The following NCS1 variants were observed in gnomAD, a reference collection of about 807,000 sequenced individuals.
NCS1 encodes the protein frequenin homolog.
NCS1 carries 6 observed loss-of-function variants against 28.4 expected under a neutral mutation model. The observed-to-expected ratio is 0.21, with a 90% CI of 0.12 to 0.42. The LOEUF (loss-of-function observed/expected upper bound fraction) is 0.42, where lower values mean the gene tolerates loss of function less well. NCS1 is among the 10% of genes least tolerant of loss of function. NCS1 has a pLI of 1.00. For missense variants in NCS1, 131 were observed against 241.4 expected, an observed-to-expected ratio of 0.54 and a Z score of 3.03; for synonymous variants, 86 against 99.3, an observed-to-expected ratio of 0.87 and a Z score of 0.79.
At chr9:130,206,937 C>G (rs1171695651) in intron 2 of NCS1, among the ~76,000 whole-genome samples, 1 of 152,186 alleles carries the variant, frequency 6.6e-6, no homozygotes, top group African/African-American at 2.4e-5. Flanking sequence ...AGCGCCAGGT[C>G]AGCTTCAGCC....
At chr9:130,212,728 G>T (rs1356318679) in intron 2 of NCS1, among the ~76,000 whole-genome samples, 1 of 151,908 alleles carries the variant, frequency 6.6e-6, no homozygotes, top group East Asian at 1.9e-4. Flanking sequence ...GTGGGGGATG[G>T]AGTCACGTCT....
chr9:130,194,289 A>G (rs1257250804), intron 1 of NCS1, among the ~76,000 whole-genome samples: 1 of 149,892 alleles, frequency 6.7e-6, no homozygotes, highest in African/African-American at 2.5e-5. Flanking sequence ...GGAAGGGAGG[A>G]GGAGCTGGAG....
rs1191650265 is a variant in NCS1, at chr9:130,172,781, C to T, written c.64+54C>T. The T allele has an allele frequency of 6.1e-5, 57 of 937,464 alleles. 1 individual carries two copies. In the East Asian group the frequency reaches 2.3e-3, roughly 38 times the overall value. 58.1% of individuals were successfully genotyped at this position (937,464 alleles called of 1,614,324 possible). On this transcript the variant is annotated intron_variant, in intron 1 of 7. Transcript: ENST00000372398. ...CCCGCGGTCACCCCCACACCCACCG[C>T]CCCCGCCCCCGCCCCCCGGACCCGC...
rs1217389487 is a variant in NCS1, at chr9:130,180,273, G to T, written c.64+7546G>T. ...GGTCTCAAACTCCTAGCCTCAAGTG[G>T]TGCACCCACCTTGGCCTCCCAAAGT... On this transcript the variant is annotated intron_variant, in intron 1 of 7. Transcript: ENST00000372398. This position sits in a 1 kb window ranked among gnomAD's most constrained non-coding sequence, Gnocchi z 4.5. Among the ~76,000 whole-genome samples the T allele has an allele frequency of 2.6e-5, 4 of 152,076 alleles. No individual in the cohort carries two copies. The highest frequency in any genetic ancestry group is 9.6e-5 in the African/African-American group (4 of 41,498).
chr9:130,209,546 C>T lies in NCS1; in HGVS notation c.90-8286C>T, dbSNP rs180829634. 8.1e-4 allele frequency among the ~76,000 whole-genome samples: 124 copies of T among 152,244 alleles called. No individual in the cohort carries two copies. Among genetic ancestry groups the T allele is most frequent in the African/African-American group, 2.8e-3 (116 of 41,552 alleles). On this transcript the variant is annotated intron_variant, in intron 2 of 7. Transcript: ENST00000372398. The surrounding 1 kb of genome is among the most constrained non-coding windows in gnomAD (Gnocchi z 4.4). ...CTCTATGCCAGGCCAGTGCCGGTTG[C>T]GGGCGGGCATCCGGGACTGAGGGGG... is the stretch of plus-strand genomic sequence containing the variant.
intron 4 of NCS1, among the ~76,000 whole-genome samples, chr9:130,221,391 TATATATATATATATATATATATAGAGAG>T (rs1316425243): frequency 8.2e-5 from 3 of 36,376 alleles, no homozygotes; most frequent in Non-Finnish European, 1.2e-4. Flanking sequence ...TATATATATA[TATATATATATATATATATATATAGAGAG>T]AGAGAGAGAG....
intron 1 of NCS1, among the ~76,000 whole-genome samples, chr9:130,196,870 A>G (rs1554906917): frequency 6.6e-6 from 1 of 152,196 alleles, no homozygotes; most frequent in Non-Finnish European, 1.5e-5. Flanking sequence ...CAGCCATGAT[A>G]ACAGTTTTTT....
chr9:130,206,687 T>C (rs1018723350), intron 2 of NCS1, among the ~76,000 whole-genome samples: 12 of 151,978 alleles, frequency 7.9e-5, no homozygotes, highest in Admixed American at 6.6e-4. Context: ...TGGGATTACA[T>C]GTGTGAGCCA....
chr9:130,190,326 G>C (rs1797595137), intron 1 of NCS1, among the ~76,000 whole-genome samples: 1 of 152,146 alleles, frequency 6.6e-6, no homozygotes. Flanking sequence ...CACTCACAGA[G>C]ACAGAACAAA....
intron 1 of NCS1, chr9:130,200,340 G>A: frequency 1.8e-6 from 1 of 565,556 alleles, no homozygotes; most frequent in South Asian, 2.4e-5. Context: ...TGGGTATGTG[G>A]GCTTGGCTCC....
At position 130,175,998 on chromosome 9, in the gene NCS1, A is replaced by T. The variant is rs1418000098; in HGVS notation, c.64+3271A>T. On this transcript the variant is annotated intron_variant, in intron 1 of 7. Coordinates refer to ENST00000372398, the MANE Select transcript of NCS1 (RefSeq NM_014286.4). The surrounding 1 kb of genome is among the most constrained non-coding windows in gnomAD (Gnocchi z 4.9). ...TGAGCCTCAGTTTCCTCATCTGCAAAATAGGTGTGCTCATGGCACCTGAAC... is the reference window on the plus strand; with the variant it reads ...TGAGCCTCAGTTTCCTCATCTGCAATATAGGTGTGCTCATGGCACCTGAAC... Among the ~76,000 whole-genome samples the T allele has an allele frequency of 6.6e-6, 1 of 152,072 alleles. No individual in the cohort carries two copies. Among genetic ancestry groups the T allele is most frequent in the Non-Finnish European group, 1.5e-5 (1 of 68,022 alleles).
intron 1 of NCS1, among the ~76,000 whole-genome samples, chr9:130,196,782 T>C (rs1458832130): frequency 2.0e-5 from 3 of 152,086 alleles, no homozygotes; most frequent in Non-Finnish European, 2.9e-5. Context: ...CTCAGTGCTG[T>C]TACCACCCCC....
At chr9:130,218,698 T>A (rs1442986989) in intron 3 of NCS1, among the ~76,000 whole-genome samples, 2 of 152,070 alleles carry the variant, frequency 1.3e-5, no homozygotes, top group African/African-American at 4.8e-5. Flanking sequence ...TTCAAGCAAT[T>A]CCCCTGCCTC....
rs34473694 is a variant in NCS1, at chr9:130,174,790, C to CAAAAAAAAA, written c.64+2072_64+2080dup. ...TGCTCCAAGAGGGAAACTCTGTCTC[C>CAAAAAAAAA]AAAAAAAAAAAAAAAAAGCTCTGCT... On this transcript the variant is annotated intron_variant, in intron 1 of 7. Coordinates refer to ENST00000372398, the MANE Select transcript of NCS1 (RefSeq NM_014286.4). Among the ~76,000 whole-genome samples, 17 of 91,574 alleles carry CAAAAAAAAA rather than the reference C, an allele frequency of 1.9e-4. 3 individuals carry two copies. The East Asian group carries it at 2.3e-3, about 12-fold the overall frequency. The allele number at this position is 91,574 out of a possible 152,430, so 60.1% of individuals were successfully genotyped here.
At position 130,212,135 on chromosome 9, in the gene NCS1, T is replaced by A. The variant is rs148509349; in HGVS notation, c.90-5697T>A. On this transcript the variant is annotated intron_variant, in intron 2 of 7. Transcript: ENST00000372398. ...AAAGTGGGCGGGATTGGCCTCACCT[T>A]CTGGATGTTGGGACGATGGGGCAGA... 2.4e-3 allele frequency among the ~76,000 whole-genome samples: 368 copies of A among 152,192 alleles called. 9 individuals carry two copies. The East Asian group carries it at 0.058, about 24-fold the overall frequency.
Position 130,222,699 on chromosome 9 carries a change from T to C in NCS1, c.357T>C (p.Asn119=). The change falls in exon 5 of 8, where the codon AAT becomes AAC. Residue 119 remains asparagine, a synonymous_variant. Transcript: ENST00000372398. ...DLDNDGYITR[N]EMLDIVDAIY... is the part of the protein sequence containing the mutation. ...ACAATGATGGCTACATCACCAGGAA[T>C]GAGATGCTGGACATTGTGGATGCCA... 1 of 1,613,836 alleles carries C rather than the reference T, an allele frequency of 6.2e-7. No homozygotes were observed. Among genetic ancestry groups the C allele is most frequent in the Non-Finnish European group, 8.5e-7 (1 of 1,179,936 alleles).
rs1445835216 is a variant in NCS1, at chr9:130,234,959, C to T, written c.*1987C>T. 1 of 152,282 alleles carries T rather than the reference C, an allele frequency of 6.6e-6. No individual in the cohort carries two copies. Among genetic ancestry groups the T allele is most frequent in the Non-Finnish European group, 1.5e-5 (1 of 68,100 alleles). 9.4% of individuals were successfully genotyped at this position (152,282 alleles called of 1,614,324 possible). A position where few individuals can be genotyped will look rare whatever the true frequency, so the allele number is the denominator to read the frequency against. ...CACTTTGGTCCTCGGTTCCCACCCT[C>T]AGCAAGCAGGCCTCCAGCCCGAGGA... On this transcript the variant is annotated 3_prime_UTR_variant, in exon 8 of 8. Transcript: ENST00000372398. The surrounding 1 kb of genome is among the most constrained non-coding windows in gnomAD (Gnocchi z 6.1).
At chr9:130,208,791 C>A (rs12000811) in intron 2 of NCS1, among the ~76,000 whole-genome samples, 3 of 152,030 alleles carry the variant, frequency 2.0e-5, no homozygotes, top group Non-Finnish European at 4.4e-5. Context: ...CGGTGCCGTG[C>A]GGAGAATACG....
At chr9:130,217,265 A>G (rs1426273904) in intron 2 of NCS1, among the ~76,000 whole-genome samples, 1 of 152,194 alleles carries the variant, frequency 6.6e-6, no homozygotes, top group Non-Finnish European at 1.5e-5. Flanking sequence ...CAGGGTGGAC[A>G]AGTCCAGTTG....
Sources: gnomAD v4.1 joint callset for allele counts (sites outside exome capture counted in the v4.1 genomes callset) on GRCh38, gnomAD v4.1.1 for gene constraint, Gnocchi (gnomAD v3.1) non-coding constraint, MANE v1.5 for transcripts, NCBI Gene and HGNC (gene_info 2026-07-23, HGNC 2026-07-21) for gene names.